Variants in DDX46 observed in about 807,000 individuals in gnomAD.
The protein encoded by DDX46 is DEAD-box helicase 46.
DDX46 carries 30 observed loss-of-function variants against 134.9 expected under a neutral mutation model. The ratio of observed to expected loss-of-function variants is 0.22; its 90% CI spans 0.17 to 0.30. The LOEUF is 0.30. DDX46 is among the 10% of genes least tolerant of loss of function. The probability of loss-of-function intolerance (pLI) is 1.00; values close to 1 mark genes in which losing one functional copy is unlikely to be tolerated. For synonymous variants in DDX46, 415 were observed against 404.1 expected, an observed-to-expected ratio of 1.03 and a Z score of -0.32; for missense variants, 622 against 1,248.7, an observed-to-expected ratio of 0.50 and a Z score of 7.56.
chr5:134,800,914 G>A (rs111320881), intron 15 of DDX46, among the ~76,000 whole-genome samples: 2,001 of 152,264 alleles, frequency 0.013, 35 homozygotes, highest in African/African-American at 0.046. Context: ...GACCTCAGGT[G>A]ATCCACCTGC....
intron 15 of DDX46, among the ~76,000 whole-genome samples, chr5:134,806,169 C>T (rs1312323936): frequency 1.3e-5 from 2 of 151,046 alleles, no homozygotes; most frequent in South Asian, 2.1e-4. Flanking sequence ...GTCCAGATCA[C>T]GCTATTGCAC....
intron 6 of DDX46, among the ~76,000 whole-genome samples, chr5:134,778,371 A>G (rs371044864): frequency 1.3e-4 from 19 of 151,694 alleles, no homozygotes; most frequent in African/African-American, 4.6e-4. Flanking sequence ...CCTCTTTTTC[A>G]TAGCATTTAT....
intron 5 of DDX46, among the ~76,000 whole-genome samples, chr5:134,775,250 G>T (rs999593742): frequency 1.3e-5 from 2 of 152,216 alleles, no homozygotes; most frequent in East Asian, 3.9e-4. Flanking sequence ...CACTGTGCCT[G>T]GCTGCTGATA....
chr5:134,759,151 C>G (rs1348169955), intron 1 of DDX46, among the ~76,000 whole-genome samples, 196 bp downstream of exon 1: 1 of 152,206 alleles, frequency 6.6e-6, no homozygotes, highest in Non-Finnish European at 1.5e-5. Flanking sequence ...GCTTCCCCTG[C>G]ACTACCATCA....
At chr5:134,774,649 G>C (rs1753878015) in intron 5 of DDX46, among the ~76,000 whole-genome samples, 1 of 152,144 alleles carries the variant, frequency 6.6e-6, no homozygotes, top group Non-Finnish European at 1.5e-5. Context: ...CGTTAGTAAG[G>C]AGAGTAAATT....
intron 19 of DDX46, 148 bp downstream of exon 19, chr5:134,816,754 A>G: frequency 2.5e-6 from 2 of 795,896 alleles, no homozygotes; most frequent in Non-Finnish European, 3.8e-6. Flanking sequence ...ATTTTTTGAT[A>G]ATTGCATTTG....
intron 3 of DDX46, among the ~76,000 whole-genome samples, chr5:134,768,951 G>A (rs911452251): frequency 2.0e-5 from 3 of 152,114 alleles, no homozygotes; most frequent in South Asian, 2.1e-4. Context: ...CCAGCTACTC[G>A]GGAGGCTGAG....
intron 15 of DDX46, chr5:134,804,878 C>G: frequency 2.6e-6 from 1 of 383,654 alleles, no homozygotes; most frequent in Admixed American, 2.8e-5. Context: ...TCACATTTAA[C>G]ACACATGGAA....
chr5:134,819,482 G>A (rs1223368010), intron 21 of DDX46, among the ~76,000 whole-genome samples: 1 of 152,142 alleles, frequency 6.6e-6, no homozygotes, highest in Non-Finnish European at 1.5e-5. Context: ...ATCAGGTTTG[G>A]TTTTTAACTT....
rs546412341 is a variant in DDX46 at position 134,825,432 on chromosome 5, A to G, written c.2978-1515A>G. 2.6e-5 allele frequency among the ~76,000 whole-genome samples: 4 copies of G among 152,052 alleles called. No homozygotes were observed. The South Asian group carries it at 6.2e-4, about 24-fold the overall frequency. On this transcript the variant is annotated intron_variant, in intron 21 of 22. Transcript: ENST00000452510. ...TTGGCCTTTTCCTTCCTGTTGTGCA[A>G]CTGTTTCTGTCTCTCTTTCTAGCTC...
chr5:134,798,173 GTT>G (rs1200526938), intron 15 of DDX46, among the ~76,000 whole-genome samples: 1 of 139,930 alleles, frequency 7.1e-6, no homozygotes, highest in Non-Finnish European at 1.6e-5. Context: ...GCCCCCCACC[GTT>G]TTTTTTTTTT....
chr5:134,764,061 AG>A lies in DDX46; in HGVS notation c.176del (p.Arg59AsnfsTer10). The A allele has an allele frequency of 6.2e-7, 1 of 1,613,584 alleles. No individual in the cohort carries two copies. The highest frequency in any genetic ancestry group is 2.2e-5 in the East Asian group (1 of 44,876). ...RERSRSRDKR[R>X]SRSRDRKRLR... is the part of the protein sequence containing the mutation. Reference sequence around the variant, plus strand: ...GAGGTCTCGTAGCAGGGATAAAAGAAGATCTCGGTCAAGGGACAGGAAGCGT... The same window carrying A: ...GAGGTCTCGTAGCAGGGATAAAAGAAATCTCGGTCAAGGGACAGGAAGCGT... On this transcript the variant is annotated frameshift_variant, in exon 2 of 23. Coordinates refer to ENST00000452510, the MANE Select transcript of DDX46 (RefSeq NM_001300860.2). LOFTEE classifies it high-confidence loss of function.
chr5:134,786,994 C>T (rs991227214), intron 11 of DDX46, among the ~76,000 whole-genome samples: 1 of 152,110 alleles, frequency 6.6e-6, no homozygotes, highest in African/African-American at 2.4e-5. Flanking sequence ...GTGACCTTGG[C>T]TCACTGCATC....
intron 15 of DDX46, among the ~76,000 whole-genome samples, chr5:134,798,981 A>G (rs893367760): frequency 6.6e-6 from 1 of 152,182 alleles, no homozygotes; most frequent in Non-Finnish European, 1.5e-5. Context: ...ACTATCTATT[A>G]ATACATAGCA....
At chr5:134,801,317 C>T (rs1754821847) in intron 15 of DDX46, among the ~76,000 whole-genome samples, 1 of 151,992 alleles carries the variant, frequency 6.6e-6, no homozygotes, top group Non-Finnish European at 1.5e-5. Context: ...CAGTATGTAA[C>T]TTTTTGCAGT....
At chr5:134,809,153 G>A (rs2150155476) in intron 16 of DDX46, among the ~76,000 whole-genome samples, 1 of 152,236 alleles carries the variant, frequency 6.6e-6, no homozygotes, top group South Asian at 2.1e-4. Flanking sequence ...CTGTTGGAAG[G>A]AGTCAAGAAT....
chr5:134,788,053 T>C (rs997177451), intron 11 of DDX46, among the ~76,000 whole-genome samples: 1 of 150,750 alleles, frequency 6.6e-6, no homozygotes, highest in Non-Finnish European at 1.5e-5. Context: ...AAGCTGATTA[T>C]GACTGTTAAA....
At chr5:134,776,713 G>C (rs960038377) in intron 5 of DDX46, among the ~76,000 whole-genome samples, 1 of 151,802 alleles carries the variant, frequency 6.6e-6, no homozygotes, top group East Asian at 1.9e-4. Context: ...TCAGGAGTTC[G>C]AGACCAGCCT....
intron 1 of DDX46, among the ~76,000 whole-genome samples, chr5:134,763,154 C>T (rs1248940963): frequency 6.6e-6 from 1 of 152,100 alleles, no homozygotes; most frequent in Non-Finnish European, 1.5e-5. Context: ...ATTGCTTGAG[C>T]CTCAGAGAGT....
Sources: gnomAD v4.1 joint callset for allele counts (sites outside exome capture counted in the v4.1 genomes callset) on GRCh38, gnomAD v4.1.1 for gene constraint, MANE v1.5 for transcripts, NCBI Gene and HGNC (gene_info 2026-07-23, HGNC 2026-07-21) for gene names.